TSNAX: variants seen among roughly 807,000 people sequenced by gnomAD.
TSNAX encodes the protein translin-associated protein X.
A neutral mutation model predicts 33.0 loss-of-function variants in TSNAX; 12 were observed. The ratio of observed to expected loss-of-function variants is 0.36; its 90% CI spans 0.23 to 0.59. TSNAX has a LOEUF of 0.59. Among genes scored for constraint, TSNAX ranks in the 20% least tolerant of loss-of-function variants. TSNAX has a pLI of 0.74. For synonymous variants in TSNAX, 110 were observed against 117.2 expected (o/e 0.94, Z 0.40); for missense variants, 267 against 341.3 (o/e 0.78, Z 1.72).
intron 4 of TSNAX, among the ~76,000 whole-genome samples, chr1:231,557,775 A>G (rs1479605801): frequency 6.6e-6 from 1 of 152,196 alleles, no homozygotes; most frequent in Non-Finnish European, 1.5e-5. Context: ...AGCCACAGAA[A>G]ATGGAACACC....
At chr1:231,559,233 A>C (rs1288195611) in intron 4 of TSNAX, among the ~76,000 whole-genome samples, 1 of 152,236 alleles carries the variant, frequency 6.6e-6, no homozygotes, top group African/African-American at 2.4e-5. Context: ...AACTAACAAT[A>C]ATAATTAAGA....
intron 3 of TSNAX, among the ~76,000 whole-genome samples, chr1:231,540,952 C>G (rs182763809): frequency 6.6e-6 from 1 of 152,130 alleles, no homozygotes; most frequent in Non-Finnish European, 1.5e-5. Context: ...GTTATTAGAA[C>G]GTATATCTTT....
intron 5 of TSNAX, 43 bp from the exon 6 acceptor site, chr1:231,564,485 G>T (rs777976191): frequency 1.3e-6 from 2 of 1,570,186 alleles, no homozygotes; most frequent in East Asian, 4.5e-5. Context: ...TCTTTCTTGT[G>T]TGTGTGTGTG....
At chr1:231,542,810 T>C (rs1659663559) in intron 4 of TSNAX, 199 bp downstream of exon 4, 3 of 483,706 alleles carry the variant, frequency 6.2e-6, no homozygotes, top group Non-Finnish European at 1.1e-5. Context: ...GTGATGGTCA[T>C]TGATTGATTT....
chr1:231,561,295 T>G, intron 5 of TSNAX, 40 bp downstream of exon 5: 1 of 1,384,016 alleles, frequency 7.2e-7, no homozygotes, highest in Non-Finnish European at 1.0e-6. Flanking sequence ...TTATATAATT[T>G]ATGTAACAGT....
intron 2 of TSNAX, among the ~76,000 whole-genome samples, chr1:231,530,243 G>C (rs6674059): frequency 0.013 from 1,986 of 152,326 alleles, 36 homozygotes; most frequent in African/African-American, 0.045. Flanking sequence ...TTTAAAAACT[G>C]TCTCACATTG....
intron 4 of TSNAX, among the ~76,000 whole-genome samples, chr1:231,554,106 ACT>A (rs1660533278): frequency 6.6e-6 from 1 of 151,930 alleles, no homozygotes; most frequent in African/African-American, 2.4e-5. Context: ...AATAACTGAC[ACT>A]CACCCATATT....
chr1:231,539,780 C>A (rs1659437161), intron 3 of TSNAX, among the ~76,000 whole-genome samples: 2 of 152,076 alleles, frequency 1.3e-5, no homozygotes, highest in South Asian at 4.2e-4. Context: ...TCATACTGTT[C>A]ATACAGTTTT....
At chr1:231,562,178 A>G (rs1211442603) in intron 5 of TSNAX, among the ~76,000 whole-genome samples, 1 of 148,374 alleles carries the variant, frequency 6.7e-6, no homozygotes, top group African/African-American at 2.4e-5. Context: ...ATATTAAATT[A>G]TTAAATTATT....
At chr1:231,536,440 C>T (rs1659178418) in intron 2 of TSNAX, 1 of 152,184 alleles carries the variant, frequency 6.6e-6, no homozygotes, top group Admixed American at 6.5e-5. Context: ...ATACAATACA[C>T]ATACTGTGGC....
chr1:231,552,671 T>C (rs1402168160), intron 4 of TSNAX, among the ~76,000 whole-genome samples: 2 of 152,234 alleles, frequency 1.3e-5, no homozygotes, highest in African/African-American at 2.4e-5. Context: ...TATGTACTTA[T>C]CACTGTCTAA....
chr1:231,531,369 C>T (rs991116720), intron 2 of TSNAX, among the ~76,000 whole-genome samples: 9 of 152,200 alleles, frequency 5.9e-5, no homozygotes, highest in Non-Finnish European at 1.2e-4. Flanking sequence ...TATTGAGTAT[C>T]TGCTATGTTC....
In TSNAX at chr1:231,554,167, TTC is replaced by T. The variant is rs200205177; in HGVS notation, c.368-6955_368-6954del. ...AAATTTTGAGGACTCTTATTCCATA[TTC>T]TCTCTTTTCCCTATTAAAAAATAAA... is the stretch of plus-strand genomic sequence containing the variant. On this transcript the variant is annotated intron_variant, in intron 4 of 5. Transcript: ENST00000366639. Among the ~76,000 whole-genome samples, 1,420 of 152,362 alleles carry T rather than the reference TTC, an allele frequency of 9.3e-3. 29 individuals are homozygous for T. Among genetic ancestry groups the T allele is most frequent in the African/African-American group, 0.032 (1,319 of 41,590 alleles).
chr1:231,541,616 AT>A (rs1301791080), intron 3 of TSNAX, among the ~76,000 whole-genome samples: 1 of 152,124 alleles, frequency 6.6e-6, no homozygotes, highest in Non-Finnish European at 1.5e-5. Context: ...ACATTTACCA[AT>A]TTTTGTAAAT....
At chr1:231,556,046 T>C (rs1380478460) in intron 4 of TSNAX, among the ~76,000 whole-genome samples, 1 of 152,186 alleles carries the variant, frequency 6.6e-6, no homozygotes, top group East Asian at 1.9e-4. Context: ...TACTCCTGCT[T>C]CTGAATGAAT....
At chr1:231,530,405 G>A (rs560753606) in intron 2 of TSNAX, among the ~76,000 whole-genome samples, 1 of 152,286 alleles carries the variant, frequency 6.6e-6, no homozygotes, top group Non-Finnish European at 1.5e-5. Context: ...TACAGAAGGT[G>A]GAGTTGCGGC....
chr1:231,546,483 T>A (rs1296505882), intron 4 of TSNAX, among the ~76,000 whole-genome samples: 1 of 152,192 alleles, frequency 6.6e-6, no homozygotes, highest in African/African-American at 2.4e-5. Flanking sequence ...TTGGCAAAAT[T>A]GTGAGTGCCC....
rs1659646384 is a variant in TSNAX at position 231,542,530 on chromosome 1, G to A, written c.286G>A (p.Gly96Ser). ...ILTESEIKLD[G>S]VRQKIFQVAQ... ...GACTGAATCAGAAATTAAATTGGATGGTGTCAGACAAAAGATATTCCAGGT... is the reference window on the plus strand; with the variant it reads ...GACTGAATCAGAAATTAAATTGGATAGTGTCAGACAAAAGATATTCCAGGT... Residue 96 changes from glycine (G) to serine (S), a missense_variant, in exon 4 of 6, where the codon GGT becomes AGT. This residue lies in a region of TSNAX where 200 missense variants were observed against 214.1 expected (regional missense o/e 0.93). Coordinates refer to ENST00000366639, the MANE Select transcript of TSNAX (RefSeq NM_005999.3). The A allele has an allele frequency of 1.9e-6, 3 of 1,613,828 alleles. No individual in the cohort carries two copies. The highest frequency in any genetic ancestry group is 2.5e-6 in the Non-Finnish European group (3 of 1,179,930).
At chr1:231,555,280 T>C (rs562949021) in intron 4 of TSNAX, among the ~76,000 whole-genome samples, 7 of 152,172 alleles carry the variant, frequency 4.6e-5, no homozygotes, top group Non-Finnish European at 7.4e-5. Context: ...GAAGACATTA[T>C]GCAAAGTGAA....
Sources: allele counts gnomAD v4.1 joint callset (sites outside exome capture counted in the v4.1 genomes callset), GRCh38; gene constraint gnomAD v4.1.1; regional missense constraint gnomAD v4.1.1; transcripts MANE v1.5; gene names NCBI Gene and HGNC (gene_info 2026-07-23, HGNC 2026-07-21).